Variants in CSNK1G3 observed in about 807,000 individuals in gnomAD.
CSNK1G3 encodes the protein casein kinase I isoform gamma-3.
CSNK1G3 carries 23 observed loss-of-function variants against 64.3 expected under a neutral mutation model. That is an observed-to-expected ratio of 0.36 (90% CI 0.26 to 0.51). The LOEUF is 0.51. Among genes scored for constraint, CSNK1G3 ranks in the 20% least tolerant of loss-of-function variants. CSNK1G3 has a pLI of 0.96. For missense variants in CSNK1G3, 357 were observed against 510.5 expected (o/e 0.70, Z 2.90); for synonymous variants, 158 against 162.2 (o/e 0.97, Z 0.20).
chr5:123,591,376 C>T (rs1210285648), exon 10 of CSNK1G3: 1 of 1,610,318 alleles, frequency 6.2e-7, no homozygotes, highest in Non-Finnish European at 8.5e-7. Context: ...CAGAGAAGCA[C>T]ATCAACACAG....
chr5:123,567,475 A>C (rs984050748), intron 4 of CSNK1G3, among the ~76,000 whole-genome samples: 1 of 152,108 alleles, frequency 6.6e-6, no homozygotes, highest in Non-Finnish European at 1.5e-5. Context: ...GCGTGGTGGC[A>C]GGTGCCTATA....
At chr5:123,580,674 CTT>C (rs1451110109) in intron 6 of CSNK1G3, among the ~76,000 whole-genome samples, 1 of 151,872 alleles carries the variant, frequency 6.6e-6, no homozygotes, top group Non-Finnish European at 1.5e-5. Flanking sequence ...TTTTTAAAGA[CTT>C]TTGTTAGCTG....
At chr5:123,601,174 T>C (rs993851840) in intron 10 of CSNK1G3, among the ~76,000 whole-genome samples, 1 of 152,186 alleles carries the variant, frequency 6.6e-6, no homozygotes, top group Non-Finnish European at 1.5e-5. Context: ...AGAATTTGGC[T>C]TATAAAAATA....
At chr5:123,557,916 A>G (rs574272468) in intron 4 of CSNK1G3, among the ~76,000 whole-genome samples, 6 of 152,354 alleles carry the variant, frequency 3.9e-5, no homozygotes, top group East Asian at 1.9e-4. Flanking sequence ...TATCTGTATC[A>G]TAATCCCTAG....
At chr5:123,568,031 G>T (rs1244418928) in intron 4 of CSNK1G3, among the ~76,000 whole-genome samples, 1 of 152,148 alleles carries the variant, frequency 6.6e-6, no homozygotes, top group African/African-American at 2.4e-5. Flanking sequence ...TAGTTGGTTG[G>T]CAAGAGGTCA....
intron 1 of CSNK1G3, among the ~76,000 whole-genome samples, chr5:123,528,267 C>T (rs17164879): frequency 0.22 from 33,226 of 151,964 alleles, 3,734 homozygotes; most frequent in Middle Eastern, 0.33. Flanking sequence ...TGTTATTCCA[C>T]CTGTAGTATC....
intron 6 of CSNK1G3, among the ~76,000 whole-genome samples, chr5:123,577,219 C>T (rs1389530548): frequency 6.6e-6 from 1 of 151,948 alleles, no homozygotes; most frequent in Non-Finnish European, 1.5e-5. Context: ...CATAATCAGT[C>T]CTTTTCTCCA....
At chr5:123,527,702 T>C (rs907595267) in intron 1 of CSNK1G3, among the ~76,000 whole-genome samples, 12 of 152,210 alleles carry the variant, frequency 7.9e-5, no homozygotes, top group Admixed American at 5.2e-4. Context: ...ATAACTGTTA[T>C]GAGAACCATG....
At chr5:123,568,739 CTA>C (rs1161216263) in intron 4 of CSNK1G3, among the ~76,000 whole-genome samples, 1 of 152,174 alleles carries the variant, frequency 6.6e-6, no homozygotes, top group Admixed American at 6.5e-5. Context: ...CCACTGCACT[CTA>C]TGTTTGTTAG....
chr5:123,543,988 A>G (rs528467368), intron 1 of CSNK1G3, among the ~76,000 whole-genome samples: 1 of 152,308 alleles, frequency 6.6e-6, no homozygotes, highest in East Asian at 1.9e-4. Context: ...GAAAAAACAG[A>G]TAAACTGTAA....
chr5:123,515,254 AGTTTATT>A (rs1487342841), intron 1 of CSNK1G3, among the ~76,000 whole-genome samples: 1 of 152,154 alleles, frequency 6.6e-6, no homozygotes, highest in African/African-American at 2.4e-5. Context: ...ATTCTGGTAT[AGTTTATT>A]GTTTCAGATG....
exon 8 of CSNK1G3, chr5:123,588,511 G>C (rs769425724): frequency 1.3e-6 from 2 of 1,592,650 alleles, no homozygotes; most frequent in Admixed American, 1.7e-5. Context: ...AAATTTTCCA[G>C]GTAATGAATA....
intron 2 of CSNK1G3, among the ~76,000 whole-genome samples, chr5:123,547,445 GTGTC>G (rs774610275): frequency 1.3e-5 from 2 of 152,068 alleles, no homozygotes; most frequent in East Asian, 1.9e-4. Context: ...ATATAGGTAT[GTGTC>G]TGTGTGTGTG....
Position 123,575,809 on chromosome 5 carries a change from A to G in CSNK1G3, c.519A>G (p.Pro173=), listed in dbSNP as rs1267692775. ...CTGAGAACTTCTTAATAGGACGACC[A>G]GGAAACAAAACCCAGCAAGTTATTC... Residue 173 remains proline (P), a synonymous_variant, in exon 6 of 13, where the codon CCA becomes CCG. Transcript: ENST00000345990. 3 of 1,613,604 alleles carry G rather than the reference A, an allele frequency of 1.9e-6. No individual in the cohort carries two copies. In the Admixed American group the frequency reaches 5.0e-5, roughly 27 times the overall value.
At chr5:123,574,788 C>T (rs550636511) in intron 5 of CSNK1G3, among the ~76,000 whole-genome samples, 2 of 152,248 alleles carry the variant, frequency 1.3e-5, no homozygotes, top group Admixed American at 6.5e-5. Context: ...ATGAGCTATG[C>T]GTTCCATCCT....
intron 1 of CSNK1G3, among the ~76,000 whole-genome samples, chr5:123,529,498 G>A (rs1360386999): frequency 1.3e-5 from 2 of 152,100 alleles, no homozygotes; most frequent in African/African-American, 2.4e-5. Flanking sequence ...CTTTTTGGGG[G>A]CAAGTTGTTC....
At chr5:123,567,030 T>C (rs910846072) in intron 4 of CSNK1G3, among the ~76,000 whole-genome samples, 4 of 152,202 alleles carry the variant, frequency 2.6e-5, no homozygotes, top group African/African-American at 9.7e-5. Flanking sequence ...ACTTAACAGT[T>C]CCATGTGGCT....
At chr5:123,613,211 G>C (rs1368666542) in intron 12 of CSNK1G3, among the ~76,000 whole-genome samples, 1 of 150,986 alleles carries the variant, frequency 6.6e-6, no homozygotes, top group Non-Finnish European at 1.5e-5. Context: ...GGTGGGAGCA[G>C]ATCAGTGATT....
intron 1 of CSNK1G3, among the ~76,000 whole-genome samples, chr5:123,526,593 A>G (rs145411379): frequency 2.0e-5 from 3 of 152,288 alleles, no homozygotes; most frequent in African/African-American, 7.2e-5. Flanking sequence ...TCCCACTCCT[A>G]GCAGCCACTG....
Sources: gnomAD v4.1 joint callset for allele counts (sites outside exome capture counted in the v4.1 genomes callset) on GRCh38, gnomAD v4.1.1 for gene constraint, MANE v1.5 for transcripts, NCBI Gene and HGNC (gene_info 2026-07-23, HGNC 2026-07-21) for gene names.